Variants in PTPRD observed in about 807,000 individuals in gnomAD.
PTPRD encodes the protein protein tyrosine phosphatase receptor type D, also known as receptor-type tyrosine-protein phosphatase delta.
Under a neutral mutation model 214.5 loss-of-function variants are expected in PTPRD, and 34 were observed. The ratio of observed to expected loss-of-function variants is 0.16; its 90% confidence interval spans 0.12 to 0.21. PTPRD has a LOEUF of 0.21. Ranked by LOEUF, PTPRD falls within the 10% of genes least tolerant of loss-of-function variation. The pLI is 1.00. For missense variants in PTPRD, 2,545 were observed against 2,398.7 expected, an observed-to-expected ratio of 1.06 and a Z score of -1.27; for synonymous variants, 1,128 against 845.7, an observed-to-expected ratio of 1.33 and a Z score of -5.79.
intron 11 of PTPRD, among the ~76,000 whole-genome samples, chr9:8,895,710 G>C (rs1173724237): frequency 6.6e-6 from 1 of 152,160 alleles, no homozygotes; most frequent in African/African-American, 2.4e-5. Flanking sequence ...TGCAGAATTT[G>C]GGGAAGACAA....
intron 37 of PTPRD, among the ~76,000 whole-genome samples, chr9:8,377,037 A>G (rs2083454529): frequency 6.6e-6 from 1 of 152,126 alleles, no homozygotes. Context: ...TGAAGAGAAA[A>G]CAAATTTGTC....
chr9:10,549,367 A>C (rs995029665), intron 2 of PTPRD, among the ~76,000 whole-genome samples: 4 of 152,182 alleles, frequency 2.6e-5, no homozygotes, highest in Non-Finnish European at 4.4e-5. Context: ...TTAGCTTTTA[A>C]CTAAAGGAAA....
chr9:10,593,149 TAAG>T (rs1037354046), intron 2 of PTPRD, among the ~76,000 whole-genome samples: 23 of 151,808 alleles, frequency 1.5e-4, no homozygotes, highest in African/African-American at 3.4e-4. Context: ...GTGGAGCAAA[TAAG>T]AAGAACATAG....
intron 3 of PTPRD, among the ~76,000 whole-genome samples, chr9:10,146,340 G>A (rs932944634): frequency 1.3e-5 from 2 of 151,760 alleles, no homozygotes. Flanking sequence ...AAGTGGTAAG[G>A]ATACATGGTT....
In PTPRD at chr9:9,604,732, TTGTTTGA is replaced by T. The variant is rs1277096606; in HGVS notation, c.-286-29958_-286-29952del. ...ATGGGTGGCAAATTTAAAAGGGTAT[TTGTTTGA>T]CAAAGTCAAACATCATCCATTTCTA... On this transcript the variant is annotated intron_variant, in intron 7 of 45. Coordinates refer to ENST00000381196, the MANE Select transcript of PTPRD (RefSeq NM_002839.4). Among the ~76,000 whole-genome samples the T allele has an allele frequency of 3.9e-5, 6 of 152,052 alleles. No homozygotes were observed. In the East Asian group the frequency reaches 1.2e-3, roughly 29 times the overall value.
At chr9:8,469,594 A>C (rs1460604331) in intron 31 of PTPRD, among the ~76,000 whole-genome samples, 2 of 152,136 alleles carry the variant, frequency 1.3e-5, no homozygotes, top group African/African-American at 4.8e-5. Context: ...GCAGCTGATC[A>C]TTCTGCATTT....
At chr9:10,603,512 C>T (rs1261838774) in intron 2 of PTPRD, among the ~76,000 whole-genome samples, 18 of 151,822 alleles carry the variant, frequency 1.2e-4, no homozygotes, top group African/African-American at 2.9e-4. Flanking sequence ...ATTTACCTTC[C>T]GTACTAATAT....
At chr9:10,415,372 T>C (rs967861585) in intron 2 of PTPRD, among the ~76,000 whole-genome samples, 1 of 151,886 alleles carries the variant, frequency 6.6e-6, no homozygotes, top group South Asian at 2.1e-4. Flanking sequence ...AATGTCCTAT[T>C]TTATATGCTC....
chr9:10,071,693 G>A (rs942963978), intron 3 of PTPRD, among the ~76,000 whole-genome samples: 1 of 151,908 alleles, frequency 6.6e-6, no homozygotes, highest in Non-Finnish European at 1.5e-5. Flanking sequence ...AATAAAACAT[G>A]AGAAAAATTT....
chr9:10,254,409 C>T (rs889552117), intron 3 of PTPRD, among the ~76,000 whole-genome samples: 2 of 151,802 alleles, frequency 1.3e-5, no homozygotes, highest in Admixed American at 1.3e-4. Context: ...TTTTATTATT[C>T]ACAGTGCATG....
intron 2 of PTPRD, among the ~76,000 whole-genome samples, chr9:10,415,753 G>A (rs551456391): frequency 6.6e-6 from 1 of 151,836 alleles, no homozygotes; most frequent in African/African-American, 2.4e-5. Flanking sequence ...TGTGAAAGAA[G>A]ACAGATCAGA....
chr9:10,609,773 T>C (rs192425667), intron 2 of PTPRD, among the ~76,000 whole-genome samples: 195 of 152,278 alleles, frequency 1.3e-3, no homozygotes, highest in African/African-American at 4.5e-3. Context: ...TAAGTGTATT[T>C]AGTAAATAGT....
chr9:9,311,926 A>G (rs2135505993), intron 9 of PTPRD, among the ~76,000 whole-genome samples: 1 of 152,338 alleles, frequency 6.6e-6, no homozygotes, highest in Non-Finnish European at 1.5e-5. Context: ...TTAACTTTTT[A>G]TACCAGTGTC....
chr9:8,651,582 ATC>A (rs1336774978), intron 12 of PTPRD, among the ~76,000 whole-genome samples: 1 of 152,190 alleles, frequency 6.6e-6, no homozygotes, highest in Non-Finnish European at 1.5e-5. Context: ...TCCCAGCTAC[ATC>A]TCTGTAAAAT....
At chr9:10,374,035 G>A (rs539594581) in intron 2 of PTPRD, among the ~76,000 whole-genome samples, 1 of 152,088 alleles carries the variant, frequency 6.6e-6, no homozygotes, top group South Asian at 2.1e-4. Flanking sequence ...CCTTAATTTA[G>A]TACAAATACT....
intron 5 of PTPRD, among the ~76,000 whole-genome samples, chr9:9,768,591 G>C (rs956153275): frequency 6.6e-6 from 1 of 151,734 alleles, no homozygotes; most frequent in African/African-American, 2.4e-5. Context: ...TTTTGGCAGG[G>C]ACGAAATGAG....
chr9:10,364,734 T>C (rs1056659320), intron 2 of PTPRD, among the ~76,000 whole-genome samples: 3 of 152,150 alleles, frequency 2.0e-5, no homozygotes, highest in Non-Finnish European at 2.9e-5. Context: ...GTCTTTCTTC[T>C]CCATCATATC....
intron 2 of PTPRD, among the ~76,000 whole-genome samples, chr9:10,410,588 A>G (rs2098424067): frequency 6.6e-6 from 1 of 151,726 alleles, no homozygotes; most frequent in East Asian, 2.0e-4. Context: ...TTATGTATTC[A>G]TAGCTTCTTA....
intron 10 of PTPRD, among the ~76,000 whole-genome samples, chr9:9,043,238 C>T (rs2099648707): frequency 6.6e-6 from 1 of 152,104 alleles, no homozygotes; most frequent in African/African-American, 2.4e-5. Context: ...TTAATTAGTA[C>T]ATCTCCTCTT....
Sources: allele counts gnomAD v4.1 joint callset (sites outside exome capture counted in the v4.1 genomes callset), GRCh38; gene constraint gnomAD v4.1.1; transcripts MANE v1.5; gene names NCBI Gene and HGNC (gene_info 2026-07-23, HGNC 2026-07-21).